XRCC5: variants seen among roughly 807,000 people sequenced by gnomAD.
XRCC5 encodes X-ray repair cross complementing 5.
XRCC5 carries 12 observed loss-of-function variants against 95.7 expected under a neutral mutation model. That is an observed-to-expected ratio of 0.13 (90% CI 0.08 to 0.20). The LOEUF (loss-of-function observed/expected upper bound fraction) is 0.20, where lower values mean the gene tolerates loss of function less well. Among genes scored for constraint, XRCC5 ranks in the 10% least tolerant of loss-of-function variants. XRCC5 has a pLI of 1.00. For missense variants in XRCC5, 595 were observed against 873.9 expected (o/e 0.68, Z 4.02); for synonymous variants, 281 against 290.3 (o/e 0.97, Z 0.33).
intron 13 of XRCC5, 56 bp downstream of exon 13, chr2:216,141,375 G>T: frequency 3.7e-6 from 6 of 1,604,034 alleles, no homozygotes; most frequent in Non-Finnish European, 5.1e-6. Context: ...AGAGCTAAGT[G>T]CAAAGTTGCG....
chr2:216,119,605 C>T (rs1696771324), intron 5 of XRCC5, among the ~76,000 whole-genome samples: 1 of 152,058 alleles, frequency 6.6e-6, no homozygotes, highest in Non-Finnish European at 1.5e-5. Context: ...GGAATGCCAA[C>T]TTGGGAATCA....
rs918417296 is a variant in XRCC5, at chr2:216,137,273, T to C, written c.1251+48T>C. 4 of 1,575,946 alleles carry C rather than the reference T, an allele frequency of 2.5e-6. No homozygotes were observed. In the African/African-American group the frequency reaches 5.5e-5, roughly 21 times the overall value. On this transcript the variant is annotated intron_variant, in intron 11 of 20. Transcript: ENST00000392132. Reference sequence around the variant, plus strand: ...TATTTTTTTTCTTCAGTTCCTTTATTCTAAGCAGTGTTTCTCAGCTGTTAA... The same window carrying C: ...TATTTTTTTTCTTCAGTTCCTTTATCCTAAGCAGTGTTTCTCAGCTGTTAA...
In XRCC5 at chr2:216,162,662, G is replaced by A. The variant is rs182159562; in HGVS notation, c.1834+614G>A. Among the ~76,000 whole-genome samples, 9 of 152,200 alleles carry A rather than the reference G, an allele frequency of 5.9e-5. No individual in the cohort carries two copies. In the East Asian group the frequency reaches 1.7e-3, roughly 29 times the overall value. On this transcript the variant is annotated intron_variant, in intron 16 of 20. Coordinates refer to ENST00000392132, the MANE Select transcript of XRCC5 (RefSeq NM_021141.4). Reference sequence around the variant, plus strand: ...CAGCCTCAGCCTCCCAAAGTGCTGGGATAACAGGTGTGAGCCATCGTGCCC... The same window carrying A: ...CAGCCTCAGCCTCCCAAAGTGCTGGAATAACAGGTGTGAGCCATCGTGCCC...
At chr2:216,130,523 A>C (rs1343345150) in intron 8 of XRCC5, among the ~76,000 whole-genome samples, 2 of 152,160 alleles carry the variant, frequency 1.3e-5, no homozygotes, top group East Asian at 3.9e-4. Context: ...TTTACAAATC[A>C]TGCTGTACTT....
intron 16 of XRCC5, among the ~76,000 whole-genome samples, chr2:216,188,383 A>G (rs41302506): frequency 1.7e-4 from 26 of 152,360 alleles, no homozygotes; most frequent in Middle Eastern, 3.4e-3. Context: ...CTCAAAGGCA[A>G]GGGCCTTGTC....
In XRCC5 at chr2:216,119,179, A is replaced by C; in HGVS notation, c.491+14A>C. The C allele has an allele frequency of 5.6e-6, 9 of 1,613,640 alleles. No homozygotes were observed. Among genetic ancestry groups the C allele is most frequent in the Non-Finnish European group, 7.6e-6 (9 of 1,179,594 alleles). On this transcript the variant is annotated intron_variant, in intron 5 of 20. Transcript: ENST00000392132. The stretch of plus-strand genomic sequence containing the variant: ...CCTGCAATTCTTGTAAGATCCTAAG[A>C]ATAATGCATGTAGACAAATCCTATG...
Position 216,109,466 on chromosome 2 carries a change from A to AT in XRCC5, c.21+9_21+10insT. 6.2e-7 allele frequency: 1 copy of AT among 1,613,900 alleles called. No individual in the cohort carries two copies. The highest frequency in any genetic ancestry group is 8.5e-7 in the Non-Finnish European group (1 of 1,179,852). On this transcript the variant is annotated intron_variant, in intron 1 of 20. Transcript: ENST00000392132. ...TGCGGTCGGGGAATAAGGTATAAAG[A>AT]AAGCCATGGACTTGGGCTTTACCCG...
At position 216,157,434 on chromosome 2, in the gene XRCC5, C is replaced by T. The variant is rs142209831; in HGVS notation, c.1671-2634C>T. On this transcript the variant is annotated intron_variant, in intron 14 of 20. Coordinates refer to ENST00000392132, the MANE Select transcript of XRCC5 (RefSeq NM_021141.4). ...ACTTTTAATAGAGGTGGGGTTTCACCGTGTTAGCCAGGATGATCTCGATCT... is the reference window on the plus strand; with the variant it reads ...ACTTTTAATAGAGGTGGGGTTTCACTGTGTTAGCCAGGATGATCTCGATCT... 7.5e-3 allele frequency among the ~76,000 whole-genome samples: 1,134 copies of T among 152,100 alleles called. 14 individuals are homozygous for T. Among genetic ancestry groups the T allele is most frequent in the African/African-American group, 0.026 (1,089 of 41,488 alleles).
chr2:216,163,978 G>C (rs1689003968), intron 16 of XRCC5, among the ~76,000 whole-genome samples: 1 of 152,214 alleles, frequency 6.6e-6, no homozygotes, highest in East Asian at 1.9e-4. Flanking sequence ...CATGTAAATA[G>C]AAGGAGATCT....
rs767622041 is a variant in XRCC5, at chr2:216,148,175, A to G, written c.1569A>G (p.Thr523=). The change falls in exon 14 of 21, where the codon ACA becomes ACG. Residue 523 remains threonine, a synonymous_variant. Transcript: ENST00000392132. The part of the protein sequence containing the change: ...WNMLNPPAEV[T]TKSQIPLSKI... ...TGCTGAATCCTCCCGCTGAGGTGAC[A>G]ACAAAAAGTCAGATTCCTCTCTCTA... The G allele has an allele frequency of 4.3e-6, 7 of 1,614,150 alleles. No homozygotes were observed. The East Asian group carries it at 1.3e-4, about 31-fold the overall frequency.
chr2:216,189,324 G>T (rs1029801732), intron 16 of XRCC5, among the ~76,000 whole-genome samples: 1 of 152,208 alleles, frequency 6.6e-6, no homozygotes. Context: ...ATGGTTTCAG[G>T]GGACAAGGGA....
At chr2:216,176,459 T>C (rs1450396120) in intron 16 of XRCC5, among the ~76,000 whole-genome samples, 1 of 152,232 alleles carries the variant, frequency 6.6e-6, no homozygotes, top group Admixed American at 6.5e-5. Context: ...TTAAAATTTC[T>C]TATTGAATCA....
intron 12 of XRCC5, 126 bp downstream of exon 12, chr2:216,138,305 C>A: frequency 1.3e-6 from 1 of 761,648 alleles, no homozygotes; most frequent in Non-Finnish European, 2.2e-6. Context: ...TCCAATCATA[C>A]ACTTAGACAC....
In XRCC5 at chr2:216,196,301, A is replaced by G. The variant is rs550482331; in HGVS notation, c.2109+1315A>G. On this transcript the variant is annotated intron_variant, in intron 19 of 20. Coordinates refer to ENST00000392132, the MANE Select transcript of XRCC5 (RefSeq NM_021141.4). ...TGAAGCATACTGTAAGATGGTGATT[A>G]TATCTCAGAAGGGGTTCCGTGGTGT... Among the ~76,000 whole-genome samples, 36 of 152,082 alleles carry G rather than the reference A, an allele frequency of 2.4e-4. No homozygotes were observed. In the South Asian group the frequency reaches 3.1e-3, roughly 13 times the overall value.
At chr2:216,133,956 T>A (rs947919429) in intron 10 of XRCC5, among the ~76,000 whole-genome samples, 12 of 152,198 alleles carry the variant, frequency 7.9e-5, no homozygotes, top group Admixed American at 2.0e-4. Flanking sequence ...AATTATCTTG[T>A]AGAATAGAAA....
chr2:216,178,749 A>G (rs1292564875), intron 16 of XRCC5, among the ~76,000 whole-genome samples: 1 of 152,158 alleles, frequency 6.6e-6, no homozygotes, highest in African/African-American at 2.4e-5. Flanking sequence ...TCTCTGTAAA[A>G]TTAAGGGAGG....
At chr2:216,163,882 G>A (rs1413218853) in intron 16 of XRCC5, among the ~76,000 whole-genome samples, 1 of 152,178 alleles carries the variant, frequency 6.6e-6, no homozygotes, top group African/African-American at 2.4e-5. Context: ...TATGTTTTTG[G>A]TTTTGAGATG....
chr2:216,181,318 T>G (rs1188874106), intron 16 of XRCC5, among the ~76,000 whole-genome samples: 3 of 152,182 alleles, frequency 2.0e-5, no homozygotes, highest in Admixed American at 1.3e-4. Context: ...GCCCATATGT[T>G]TGTACAGATT....
chr2:216,185,753 G>T (rs1340399407), intron 16 of XRCC5, among the ~76,000 whole-genome samples: 2 of 149,474 alleles, frequency 1.3e-5, no homozygotes, highest in African/African-American at 5.0e-5. Context: ...TCGGCTCACT[G>T]CACCCTCCAC....
Sources: gnomAD v4.1 joint callset for allele counts (sites outside exome capture counted in the v4.1 genomes callset) on GRCh38, gnomAD v4.1.1 for gene constraint, MANE v1.5 for transcripts, NCBI Gene and HGNC (gene_info 2026-07-23, HGNC 2026-07-21) for gene names.